The following UBE2Z variants were observed in gnomAD, a reference collection of about 807,000 sequenced individuals.
UBE2Z encodes the protein ubiquitin conjugating enzyme E2 Z, also known as ubiquitin-conjugating enzyme E2 Z.
UBE2Z carries 10 observed loss-of-function variants against 32.6 expected under a neutral mutation model. The observed-to-expected ratio is 0.31, with a 90% CI of 0.19 to 0.52. The LOEUF (loss-of-function observed/expected upper bound fraction) is 0.52. UBE2Z is among the 20% of genes least tolerant of loss of function. The probability of loss-of-function intolerance (pLI) is 0.97; values close to 1 mark genes in which losing one functional copy is unlikely to be tolerated. For synonymous variants in UBE2Z, 183 were observed against 190.8 expected (o/e 0.96, Z 0.34); for missense variants, 343 against 480.9 (o/e 0.71, Z 2.68).
chr17:48,915,831 C>T (rs1310399535), intron 3 of UBE2Z: 2 of 421,578 alleles, frequency 4.7e-6, no homozygotes, highest in Non-Finnish European at 8.3e-6. Context: ...AAAATCCCTT[C>T]AAAGTTACAT....
At chr17:48,910,689 C>A in intron 1 of UBE2Z, 119 bp from the exon 2 acceptor site, 1 of 790,170 alleles carries the variant, frequency 1.3e-6, no homozygotes, top group Non-Finnish European at 2.2e-6. Flanking sequence ...CTTGCGGTAC[C>A]AAGCACCACT....
intron 4 of UBE2Z, among the ~76,000 whole-genome samples, chr17:48,918,031 G>A (rs558064663): frequency 6.6e-6 from 1 of 152,180 alleles, no homozygotes; most frequent in Non-Finnish European, 1.5e-5. Context: ...CTGCCTCCCA[G>A]GTTCAAGTGA....
chr17:48,923,357 G>A (rs866394418), intron 6 of UBE2Z, among the ~76,000 whole-genome samples: 5 of 148,668 alleles, frequency 3.4e-5, no homozygotes, highest in Admixed American at 1.3e-4. Context: ...ATAGCCAGGC[G>A]CGGTGGCTCA....
chr17:48,926,949 C>T lies in UBE2Z; in HGVS notation c.895-15C>T. 6.2e-7 allele frequency: 1 copy of T among 1,608,474 alleles called. No individual in the cohort carries two copies. Among genetic ancestry groups the T allele is most frequent in the Middle Eastern group, 2.0e-4 (1 of 5,114 alleles). The stretch of plus-strand genomic sequence containing the variant: ...AGACTTGAATCTTCCATCCCCTTGT[C>T]TCCTTTCCCCACAGGACCCTTTTGG... On this transcript the variant is annotated splice_polypyrimidine_tract_variant and intron_variant, in intron 6 of 6. Coordinates refer to ENST00000360943, the MANE Select transcript of UBE2Z (RefSeq NM_023079.5).
intron 4 of UBE2Z, among the ~76,000 whole-genome samples, chr17:48,917,136 C>G (rs1352566797): frequency 6.6e-6 from 1 of 152,102 alleles, no homozygotes; most frequent in Non-Finnish European, 1.5e-5. Flanking sequence ...GAAACCCAGT[C>G]TGTACTAAAA....
In UBE2Z at chr17:48,927,241, A is replaced by G. The variant is rs1195368424; in HGVS notation, c.*107A>G. ...TGTATCTCCCTCCAGACTCGAAGTC[A>G]TCCTGCAAGATGGCAAGAACCAAGC... On this transcript the variant is annotated 3_prime_UTR_variant, in exon 7 of 7. Transcript: ENST00000360943. The G allele has an allele frequency of 1.7e-5, 21 of 1,230,062 alleles. No individual in the cohort carries two copies. The Admixed American group carries it at 4.9e-4, about 29-fold the overall frequency. 76.2% of individuals were successfully genotyped at this position (1,230,062 alleles called of 1,614,324 possible).
At chr17:48,919,139 C>T (rs751626094) in intron 4 of UBE2Z, among the ~76,000 whole-genome samples, 7 of 151,970 alleles carry the variant, frequency 4.6e-5, no homozygotes, top group Non-Finnish European at 8.8e-5. Flanking sequence ...GCACACACCA[C>T]CACACCCAGC....
chr17:48,910,618 C>T, intron 1 of UBE2Z, 190 bp from the exon 2 acceptor site: 1 of 485,606 alleles, frequency 2.1e-6, no homozygotes. Context: ...TAATAATTTG[C>T]TCTCTGCCTG....
chr17:48,926,456 T>G (rs2040798776), intron 6 of UBE2Z, among the ~76,000 whole-genome samples: 1 of 148,808 alleles, frequency 6.7e-6, no homozygotes, highest in African/African-American at 2.4e-5. Context: ...CTACACCTAT[T>G]TGGGGCGGTA....
Position 48,923,189 on chromosome 17 carries a change from C to T in UBE2Z, c.894+252C>T, listed in dbSNP as rs1308724634. The stretch of plus-strand genomic sequence containing the variant: ...ACAAAAAATTAGCCGGGCATCGTGG[C>T]GTGTACCTGTAGTCCCATCTACTCA... On this transcript the variant is annotated intron_variant, in intron 6 of 6. Transcript: ENST00000360943. 5 of 305,194 alleles carry T rather than the reference C, an allele frequency of 1.6e-5. No homozygotes were observed. The Admixed American group carries it at 1.7e-4, about 10-fold the overall frequency. The allele number at this position is 305,194 out of a possible 1,614,324, so 18.9% of individuals were successfully genotyped here. A position where few individuals can be genotyped will look rare whatever the true frequency, so the allele number is the denominator to read the frequency against.
At chr17:48,920,532 C>G (rs1180906942) in intron 4 of UBE2Z, among the ~76,000 whole-genome samples, 1 of 151,602 alleles carries the variant, frequency 6.6e-6, no homozygotes, top group Non-Finnish European at 1.5e-5. Flanking sequence ...TCGGGGCCCA[C>G]CATGGTGACG....
chr17:48,920,664 C>G (rs1271722536), intron 4 of UBE2Z, among the ~76,000 whole-genome samples: 1 of 151,918 alleles, frequency 6.6e-6, no homozygotes, highest in Non-Finnish European at 1.5e-5. Flanking sequence ...TGCCGCTGCA[C>G]TCCAGCCTGG....
intron 6 of UBE2Z, among the ~76,000 whole-genome samples, 198 bp from the exon 7 acceptor site, chr17:48,926,766 C>A (rs1395890497): frequency 6.6e-6 from 1 of 152,192 alleles, no homozygotes; most frequent in Non-Finnish European, 1.5e-5. Flanking sequence ...CAGGTGTGAG[C>A]CACCGCGCCT....
intron 6 of UBE2Z, among the ~76,000 whole-genome samples, chr17:48,924,903 T>C (rs2040787553): frequency 6.7e-6 from 1 of 150,170 alleles, no homozygotes; most frequent in Non-Finnish European, 1.5e-5. Flanking sequence ...AACCACCTGG[T>C]TGGTAAGAGA....
Position 48,915,868 on chromosome 17 carries a change from C to CT in UBE2Z, c.579-208_579-207insT. The CT allele has an allele frequency of 1.3e-5, 4 of 315,488 alleles. 2 individuals are homozygous for CT. The highest frequency in any genetic ancestry group is 1.2e-5 in the Non-Finnish European group (2 of 173,354). 19.5% of individuals were successfully genotyped at this position (315,488 alleles called of 1,614,324 possible). ...GCTTGCTATTACCTGTTCTTTTGCC[C>CT]CCCCCCCTTGATTTGAGGATTAGGC... On this transcript the variant is annotated intron_variant, in intron 3 of 6. Coordinates refer to ENST00000360943, the MANE Select transcript of UBE2Z (RefSeq NM_023079.5).
chr17:48,911,187 A>C, intron 2 of UBE2Z: 1 of 345,880 alleles, frequency 2.9e-6, no homozygotes, highest in Non-Finnish European at 5.5e-6. Context: ...TTGGATAATA[A>C]ATTATATGGT....
intron 5 of UBE2Z, among the ~76,000 whole-genome samples, chr17:48,921,684 C>T (rs2040759506): frequency 6.6e-6 from 1 of 152,034 alleles, no homozygotes; most frequent in Non-Finnish European, 1.5e-5. Flanking sequence ...TTGGGGATGG[C>T]TGATGAAAAG....
At chr17:48,913,633 A>C (rs941863081) in intron 3 of UBE2Z, among the ~76,000 whole-genome samples, 6 of 152,140 alleles carry the variant, frequency 3.9e-5, no homozygotes, top group African/African-American at 1.4e-4. Flanking sequence ...GATTAGAGGC[A>C]TGAGCCACCG....
intron 4 of UBE2Z, among the ~76,000 whole-genome samples, chr17:48,918,772 A>G (rs1232830111): frequency 1.5e-5 from 2 of 132,862 alleles, no homozygotes; most frequent in African/African-American, 2.7e-5. Flanking sequence ...TTGGAGGCAG[A>G]CTCTCACTCT....
Sources: allele counts gnomAD v4.1 joint callset (sites outside exome capture counted in the v4.1 genomes callset), GRCh38; gene constraint gnomAD v4.1.1; transcripts MANE v1.5; gene names NCBI Gene and HGNC (gene_info 2026-07-23, HGNC 2026-07-21).